COL12A1: variants seen among roughly 807,000 people sequenced by gnomAD.
COL12A1 encodes collagen type XII alpha 1 chain.
Under a neutral mutation model 349.7 loss-of-function variants are expected in COL12A1, and 114 were observed. The ratio of observed to expected loss-of-function variants is 0.33; its 90% CI spans 0.28 to 0.38. COL12A1 has a LOEUF of 0.38. Ranked by LOEUF, COL12A1 falls within the 10% of genes least tolerant of loss-of-function variation. The pLI is 1.00. For synonymous variants in COL12A1, 1,369 were observed against 1,329.0 expected (o/e 1.03, Z -0.66); for missense variants, 3,284 against 3,756.9 (o/e 0.87, Z 3.29).
At chr6:75,113,153 T>G in intron 51 of COL12A1, 51 bp downstream of exon 51, 1 of 894,664 alleles carries the variant, frequency 1.1e-6, no homozygotes, top group Non-Finnish European at 1.6e-6. Flanking sequence ...ATAATAAATT[T>G]GTTTTATATT....
chr6:75,102,600 C>G lies in COL12A1; in HGVS notation c.8412G>C (p.Glu2804Asp), dbSNP rs1768356411. 1.3e-6 allele frequency: 2 copies of G among 1,532,648 alleles called. No individual in the cohort carries two copies. Among genetic ancestry groups the G allele is most frequent in the Non-Finnish European group, 1.8e-6 (2 of 1,142,772 alleles). 94.9% of individuals were successfully genotyped at this position (1,532,648 alleles called of 1,614,324 possible). ...TACAGAAAGGCTTTGTGCTTACTTG[C>G]TCTCCCGGAATAGAGAGTCCATTGG... is the stretch of plus-strand genomic sequence containing the variant. ...QGPNGLSIPG[E>D]QGRQGMKGDA... is the part of the protein sequence containing the mutation. The change falls in exon 56 of 66, where the codon GAG becomes GAC. Residue 2804 changes from glutamate (E) to aspartate (D), a missense_variant. By Grantham distance (45) the Glu-to-Asp change is conservative. This residue lies in a region of COL12A1 where 683 missense variants were observed against 932.1 expected (regional missense o/e 0.73). Transcript: ENST00000322507.
At chr6:75,095,565 C>T (rs935788505) in intron 59 of COL12A1, among the ~76,000 whole-genome samples, 1 of 140,334 alleles carries the variant, frequency 7.1e-6, no homozygotes, top group Non-Finnish European at 1.5e-5. Flanking sequence ...TGCAGTGAGC[C>T]GAGATTGCGC....
Position 75,137,716 on chromosome 6 carries a change from T to C in COL12A1, c.5252-137A>G, listed in dbSNP as rs2149394620. The C allele has an allele frequency of 5.4e-6, 5 of 921,674 alleles. No individual in the cohort carries two copies. In the Admixed American group the frequency reaches 1.4e-4, roughly 26 times the overall value. The allele number at this position is 921,674 out of a possible 1,614,324, so 57.1% of individuals were successfully genotyped here. A position where few individuals can be genotyped will look rare whatever the true frequency, so the allele number is the denominator to read the frequency against. On this transcript the variant is annotated intron_variant, in intron 30 of 65. Transcript: ENST00000322507. ...AAATTCGTTCCCTTAATAAAAATGG[T>C]TATTGATTCTTAAATGACTCCTTAG...
At position 75,126,412 on chromosome 6, in the gene COL12A1, C is replaced by T. The variant is rs747900824; in HGVS notation, c.6399G>A (p.Arg2133=). 6.2e-7 allele frequency: 1 copy of T among 1,611,626 alleles called. No homozygotes were observed. The highest frequency in any genetic ancestry group is 1.1e-5 in the South Asian group (1 of 91,002). ...GAGAAGGTGAAGGATCCCAGGACAC[C>T]CTGAATCTTGTATACCATTCGTCAG... ...HISDEWYTRF[R]VSWDPSPSPV... Residue 2133 remains arginine, a synonymous_variant, in exon 39 of 66, where the codon AGG becomes AGA. Transcript: ENST00000322507.
intron 22 of COL12A1, 119 bp from the exon 23 acceptor site, chr6:75,147,923 G>A: frequency 9.2e-7 from 1 of 1,090,290 alleles, no homozygotes; most frequent in Non-Finnish European, 1.3e-6. Flanking sequence ...TTAGGCCATT[G>A]TCTTTTGTAT....
intron 59 of COL12A1, among the ~76,000 whole-genome samples, chr6:75,095,395 A>G (rs1767957178): frequency 6.6e-6 from 1 of 152,098 alleles, no homozygotes; most frequent in South Asian, 2.1e-4. Flanking sequence ...AGGCGGGTGG[A>G]TCATGAGGTC....
intron 63 of COL12A1, among the ~76,000 whole-genome samples, chr6:75,089,658 C>A (rs1383959085): frequency 6.6e-6 from 1 of 152,080 alleles, no homozygotes; most frequent in Non-Finnish European, 1.5e-5. Flanking sequence ...TCTCCTTTTC[C>A]TTCAACTGCA....
At chr6:75,132,866 A>G (rs2149386493) in intron 34 of COL12A1, among the ~76,000 whole-genome samples, 1 of 152,360 alleles carries the variant, frequency 6.6e-6, no homozygotes, top group Admixed American at 6.5e-5. Flanking sequence ...AAGCATACAG[A>G]TTTTAAGATC....
At chr6:75,149,960 G>C (rs1332610147) in intron 21 of COL12A1, among the ~76,000 whole-genome samples, 2 of 152,064 alleles carry the variant, frequency 1.3e-5, no homozygotes, top group Non-Finnish European at 2.9e-5. Flanking sequence ...CTGCCAGGCT[G>C]GTCTATTTCT....
Position 75,168,690 on chromosome 6 carries a change from C to A in COL12A1, c.2711-2911G>T, listed in dbSNP as rs191781990. Among the ~76,000 whole-genome samples, 776 of 152,320 alleles carry A rather than the reference C, an allele frequency of 5.1e-3. 5 individuals are homozygous for A. Among genetic ancestry groups the A allele is most frequent in the Non-Finnish European group, 7.5e-3 (511 of 68,034 alleles). On this transcript the variant is annotated intron_variant, in intron 13 of 65. Transcript: ENST00000322507. ...CTGCCCTGTGATTCCAAAACCTCTA[C>A]AATTCTTTATTCTTTCCCCTTTTTG...
At position 75,106,313 on chromosome 6, in the gene COL12A1, C is replaced by T. The variant is rs1768542155; in HGVS notation, c.8178+106G>A. On this transcript the variant is annotated intron_variant, in intron 53 of 65. Transcript: ENST00000322507. The stretch of plus-strand genomic sequence containing the variant: ...CCACACATTGCGTGTCTTTTAGCTC[C>T]ATCCTGAATATACAACTGTGCAGTG... 5 of 962,140 alleles carry T rather than the reference C, an allele frequency of 5.2e-6. No individual in the cohort carries two copies. In the East Asian group the frequency reaches 1.3e-4, roughly 25 times the overall value. The allele number at this position is 962,140 out of a possible 1,614,324, so 59.6% of individuals were successfully genotyped here.
intron 22 of COL12A1, 108 bp downstream of exon 22, chr6:75,148,250 C>T: frequency 9.1e-7 from 1 of 1,093,272 alleles, no homozygotes; most frequent in Non-Finnish European, 1.3e-6. Context: ...TCATTTCTGG[C>T]CCCTCTTCAT....
intron 13 of COL12A1, among the ~76,000 whole-genome samples, chr6:75,174,063 A>G (rs1481378172): frequency 6.6e-6 from 1 of 152,204 alleles, no homozygotes; most frequent in Non-Finnish European, 1.5e-5. Context: ...TTATTCACTT[A>G]GTAGCTGTGG....
At position 75,097,141 on chromosome 6, in the gene COL12A1, A is replaced by AATGATATACTCC. The variant is rs1768081175; in HGVS notation, c.8577+100_8577+111dup. 4.1e-5 allele frequency: 29 copies of AATGATATACTCC among 704,564 alleles called. No homozygotes were observed. In the South Asian group the frequency reaches 6.7e-4, roughly 16 times the overall value. The allele number at this position is 704,564 out of a possible 1,614,324, so 43.6% of individuals were successfully genotyped here. A position where few individuals can be genotyped will look rare whatever the true frequency, so the allele number is the denominator to read the frequency against. On this transcript the variant is annotated intron_variant, in intron 59 of 65. Transcript: ENST00000322507. ...AGGTAAATAAAAACACAGTTCCCTC[A>AATGATATACTCC]ATGATATACTCCACAGCACAGATGG...
chr6:75,095,753 G>A (rs2149334855), intron 59 of COL12A1, among the ~76,000 whole-genome samples: 1 of 151,978 alleles, frequency 6.6e-6, no homozygotes, highest in East Asian at 1.9e-4. Flanking sequence ...ACACGCATAT[G>A]TATATAATCA....
In COL12A1 at chr6:75,119,122, G is replaced by A; in HGVS notation, c.7275C>T (p.Val2425=). 6.2e-7 allele frequency: 1 copy of A among 1,613,902 alleles called. No homozygotes were observed. The highest frequency in any genetic ancestry group is 8.5e-7 in the Non-Finnish European group (1 of 1,179,910). The part of the protein sequence containing the change: ...LTWESGMRKN[V]PKVLVVVTDG... The stretch of plus-strand genomic sequence containing the variant: ...CCGTGACCACAACCAACACCTTAGG[G>A]ACATTCTTCCTCATGCCGCTCTCCC... Residue 2425 remains valine (V), a synonymous_variant, in exon 46 of 66, where the codon GTC becomes GTT. Transcript: ENST00000322507.
chr6:75,189,390 A>G lies in COL12A1; in HGVS notation c.659-9T>C. On this transcript the variant is annotated splice_polypyrimidine_tract_variant and intron_variant, in intron 6 of 65. Coordinates refer to ENST00000322507, the MANE Select transcript of COL12A1 (RefSeq NM_004370.6). ...ATAATCAATGGCATCCCCTAAAGGG[A>G]AAAGAAACATGTTCATTTACTCTGT... 6.2e-7 allele frequency: 1 copy of G among 1,610,738 alleles called. No homozygotes were observed.
In COL12A1 at chr6:75,156,470, T is replaced by C. The variant is rs1274431422; in HGVS notation, c.3037A>G (p.Arg1013Gly). 1.9e-6 allele frequency: 3 copies of C among 1,613,874 alleles called. No individual in the cohort carries two copies. The highest frequency in any genetic ancestry group is 2.5e-6 in the Non-Finnish European group (3 of 1,179,880). The change falls in exon 15 of 66, where the codon AGA becomes GGA. Residue 1013 changes from arginine to glycine, a missense_variant. By Grantham distance (125) the Arg-to-Gly change is moderately radical. Around this residue, in one of 2 missense-constraint regions of COL12A1, gnomAD observed 2,601 missense variants for 2,824.8 expected, o/e 0.92. Transcript: ENST00000322507. ...CCTGGTGCTGGTTTCCATGTAACTCTCATTGTGTTTTCTGTTTCTTCATCT... is the reference window on the plus strand; with the variant it reads ...CCTGGTGCTGGTTTCCATGTAACTCCCATTGTGTTTTCTGTTTCTTCATCT... ...KVDEETENTM[R>G]VTWKPAPGKV...
chr6:75,157,860 G>A (rs1767837965), intron 14 of COL12A1, among the ~76,000 whole-genome samples: 1 of 152,118 alleles, frequency 6.6e-6, no homozygotes, highest in African/African-American at 2.4e-5. Flanking sequence ...CCCCTACCCA[G>A]AAGAGAAAAC....
Sources: allele counts gnomAD v4.1 joint callset (sites outside exome capture counted in the v4.1 genomes callset), GRCh38; gene constraint gnomAD v4.1.1; regional missense constraint gnomAD v4.1.1; transcripts MANE v1.5; gene names NCBI Gene and HGNC (gene_info 2026-07-23, HGNC 2026-07-21).